IGF1R: variants seen among roughly 807,000 people sequenced by gnomAD.
The protein encoded by IGF1R is insulin-like growth factor 1 receptor.
IGF1R carries 44 observed loss-of-function variants against 144.6 expected under a neutral mutation model. The observed-to-expected ratio is 0.30, with a 90% confidence interval of 0.24 to 0.39. IGF1R has a LOEUF of 0.39. IGF1R is among the 10% of genes least tolerant of loss of function. The pLI is 1.00. For missense variants in IGF1R, 1,355 were observed against 1,833.7 expected (o/e 0.74, Z 4.77); for synonymous variants, 795 against 722.8 (o/e 1.10, Z -1.60).
chr15:98,801,675 T>C (rs908246574), intron 2 of IGF1R, among the ~76,000 whole-genome samples: 19 of 152,244 alleles, frequency 1.2e-4, no homozygotes, highest in Admixed American at 4.6e-4. Flanking sequence ...GCATTCTGCA[T>C]GAGGCATTGT....
At chr15:98,805,095 T>TTC (rs1336448372) in intron 2 of IGF1R, among the ~76,000 whole-genome samples, 1 of 152,260 alleles carries the variant, frequency 6.6e-6, no homozygotes, top group African/African-American at 2.4e-5. Flanking sequence ...TTCAAAGGCA[T>TTC]TCTCTTTTGG....
intron 2 of IGF1R, among the ~76,000 whole-genome samples, chr15:98,858,817 A>G (rs1362875205): frequency 6.6e-6 from 1 of 152,216 alleles, no homozygotes; most frequent in Non-Finnish European, 1.5e-5. Context: ...TTATTTTTGA[A>G]CAGCCAAACT....
At position 98,648,666 on chromosome 15, in the gene IGF1R, G is replaced by A. The variant is rs1456729327; in HGVS notation, c.-916G>A. 1.4e-5 allele frequency among the ~76,000 whole-genome samples: 2 copies of A among 147,024 alleles called. No homozygotes were observed. The highest frequency in any genetic ancestry group is 2.0e-4 in the East Asian group (1 of 5,062). On this transcript the variant is annotated 5_prime_UTR_variant, in exon 1 of 21. Transcript: ENST00000650285. Reference sequence around the variant, plus strand: ...GCGAGCGCACCAGGCGAACTCGAGAGAGGCGGGAGAGCGAGAGGGACGCCG... The same window carrying A: ...GCGAGCGCACCAGGCGAACTCGAGAAAGGCGGGAGAGCGAGAGGGACGCCG...
chr15:98,891,627 G>A lies in IGF1R; in HGVS notation c.943G>A (p.Gly315Ser), dbSNP rs201956526. The change falls in exon 3 of 21, where the codon GGC becomes AGC. Residue 315 changes from glycine to serine, a missense_variant. Physicochemically the swap from Gly to Ser is moderately conservative, Grantham distance 56 (BLOSUM62 0). This residue lies in a region of IGF1R where 880 missense variants were observed against 1,202.7 expected (regional missense o/e 0.73). Transcript: ENST00000650285. This position sits in a 1 kb window ranked among gnomAD's most constrained non-coding sequence, Gnocchi z 4.7. Reference protein sequence around the residue: ...QECPSGFIRNGSQSMYCIPCE... With the variant: ...QECPSGFIRNSSQSMYCIPCE... ...GTGCCCCTCGGGCTTCATCCGCAACGGCAGCCAGAGGTCAGTCGCGGCCAC... is the reference window on the plus strand; with the variant it reads ...GTGCCCCTCGGGCTTCATCCGCAACAGCAGCCAGAGGTCAGTCGCGGCCAC... 1.5e-5 allele frequency: 24 copies of A among 1,600,730 alleles called. No homozygotes were observed. The highest frequency in any genetic ancestry group is 1.2e-4 in the African/African-American group (9 of 74,928).
chr15:98,901,798 T>G (rs1319755664), intron 5 of IGF1R, among the ~76,000 whole-genome samples: 2 of 152,048 alleles, frequency 1.3e-5, no homozygotes, highest in African/African-American at 4.8e-5. Flanking sequence ...CGGGAAAAAC[T>G]TGAGGAAAGC....
intron 2 of IGF1R, among the ~76,000 whole-genome samples, chr15:98,871,406 C>A (rs1027763648): frequency 6.6e-6 from 1 of 152,214 alleles, no homozygotes; most frequent in Non-Finnish European, 1.5e-5. Context: ...AAGGGACTTG[C>A]TTCTTCACCT....
intron 2 of IGF1R, among the ~76,000 whole-genome samples, chr15:98,803,365 G>A (rs544099504): frequency 6.6e-6 from 1 of 152,162 alleles, no homozygotes; most frequent in African/African-American, 2.4e-5. Flanking sequence ...TGGTACACCT[G>A]TATAGGGCAC....
intron 10 of IGF1R, among the ~76,000 whole-genome samples, chr15:98,920,448 G>C (rs1429205231): frequency 6.6e-6 from 1 of 152,198 alleles, no homozygotes; most frequent in East Asian, 1.9e-4. Flanking sequence ...GAGGGGTTTT[G>C]ACAGAATTAT....
chr15:98,683,221 C>T (rs190084603), intron 1 of IGF1R, among the ~76,000 whole-genome samples: 9 of 152,082 alleles, frequency 5.9e-5, no homozygotes, highest in African/African-American at 1.7e-4. Flanking sequence ...AGAGATCTGA[C>T]GAGTTTGGGT....
chr15:98,941,671 G>A (rs2016371046), intron 18 of IGF1R, among the ~76,000 whole-genome samples: 1 of 152,168 alleles, frequency 6.6e-6, no homozygotes, highest in Non-Finnish European at 1.5e-5. Flanking sequence ...GCGTCTCATG[G>A]ATGACAAATA....
intron 2 of IGF1R, among the ~76,000 whole-genome samples, chr15:98,737,713 T>C (rs1182651863): frequency 6.6e-6 from 1 of 152,184 alleles, no homozygotes; most frequent in African/African-American, 2.4e-5. Context: ...TTTTTCATCA[T>C]GTATTTGTAA....
At chr15:98,705,030 C>G (rs536647346) in intron 1 of IGF1R, among the ~76,000 whole-genome samples, 1 of 78,232 alleles carries the variant, frequency 1.3e-5, no homozygotes, top group East Asian at 3.2e-4. Context: ...TGTTTGACAC[C>G]TCAATGGATA....
At chr15:98,700,764 T>C (rs1442788024) in intron 1 of IGF1R, among the ~76,000 whole-genome samples, 1 of 152,044 alleles carries the variant, frequency 6.6e-6, no homozygotes, top group Non-Finnish European at 1.5e-5. Context: ...CTCCTGCCTC[T>C]GCTTGGAGTA....
chr15:98,955,793 T>C (rs1357673169), intron 20 of IGF1R, among the ~76,000 whole-genome samples: 1 of 152,218 alleles, frequency 6.6e-6, no homozygotes, highest in Non-Finnish European at 1.5e-5. Flanking sequence ...TAGTCTGTGG[T>C]CAAGCAGCCA....
At chr15:98,697,674 A>G (rs2053625703) in intron 1 of IGF1R, among the ~76,000 whole-genome samples, 1 of 108,818 alleles carries the variant, frequency 9.2e-6, no homozygotes, top group Non-Finnish European at 1.9e-5. Flanking sequence ...TTGTGTTAAA[A>G]TGCGGCAGAA....
intron 1 of IGF1R, among the ~76,000 whole-genome samples, chr15:98,676,999 G>A (rs1475823326): frequency 6.6e-6 from 1 of 151,838 alleles, no homozygotes; most frequent in Non-Finnish European, 1.5e-5. Context: ...GCAGTGGTGC[G>A]GTCATGACTC....
At chr15:98,806,112 A>G (rs564583269) in intron 2 of IGF1R, among the ~76,000 whole-genome samples, 1 of 152,312 alleles carries the variant, frequency 6.6e-6, no homozygotes, top group South Asian at 2.1e-4. Context: ...ACTTCTGTAG[A>G]TGTTGAAATT....
Position 98,957,370 on chromosome 15 carries a change from G to C in IGF1R, c.4032G>C (p.Gln1344His). 1 of 1,613,374 alleles carries C rather than the reference G, an allele frequency of 6.2e-7. No homozygotes were observed. The highest frequency in any genetic ancestry group is 8.5e-7 in the Non-Finnish European group (1 of 1,179,906). The change falls in exon 21 of 21, where the codon CAG (glutamine) becomes CAC (histidine). Residue 1344 changes from glutamine to histidine, a missense_variant. By Grantham distance (24) the Gln-to-His change is conservative. This residue lies in a region of IGF1R where 219 missense variants were observed against 188.8 expected (regional missense o/e 1.16). Coordinates refer to ENST00000650285, the MANE Select transcript of IGF1R (RefSeq NM_000875.5). ...TCCGCGCCAGCTTCGACGAGAGACAGCCTTACGCCCACATGAACGGGGGCC... is the reference window on the plus strand; with the variant it reads ...TCCGCGCCAGCTTCGACGAGAGACACCCTTACGCCCACATGAACGGGGGCC... ...LVLRASFDERQPYAHMNGGRK... is the reference protein window; with the variant it reads ...LVLRASFDERHPYAHMNGGRK...
intron 1 of IGF1R, among the ~76,000 whole-genome samples, chr15:98,651,891 G>GGAC (rs2052376860): frequency 1.3e-5 from 2 of 149,216 alleles, no homozygotes; most frequent in African/African-American, 5.0e-5. Flanking sequence ...GAAATGTGGA[G>GGAC]AATTAAAAGC....
Sources: gnomAD v4.1 joint callset for allele counts (sites outside exome capture counted in the v4.1 genomes callset) on GRCh38, gnomAD v4.1.1 for gene constraint, gnomAD v4.1.1 regional missense constraint, Gnocchi (gnomAD v3.1) non-coding constraint, MANE v1.5 for transcripts, NCBI Gene and HGNC (gene_info 2026-07-23, HGNC 2026-07-21) for gene names.